ABTB3: variants seen among roughly 807,000 people sequenced by gnomAD.
ABTB3 encodes the protein ankyrin repeat and BTB domain containing 3.
At chr12:107,608,358 C>T in the ABTB3 span, among the ~76,000 whole-genome samples, 2 of 152,204 alleles carry the variant, frequency 1.3e-5, no homozygotes, top group African/African-American at 4.8e-5. Context: ...AACCATATCA[C>T]TCCTCTCACG....
chr12:107,628,143 G>C, the ABTB3 span, among the ~76,000 whole-genome samples: 7 of 151,990 alleles, frequency 4.6e-5, no homozygotes, highest in Non-Finnish European at 1.0e-4. Context: ...GTCTTTTTTT[G>C]GGGGGTGGGG....
At chr12:107,349,943 T>A in the ABTB3 span, among the ~76,000 whole-genome samples, 1 of 152,190 alleles carries the variant, frequency 6.6e-6, no homozygotes, top group Non-Finnish European at 1.5e-5. Context: ...TCCAGACCCA[T>A]GCTTGCTGAT....
At chr12:107,331,529 C>T in the ABTB3 span, among the ~76,000 whole-genome samples, 122 of 152,266 alleles carry the variant, frequency 8.0e-4, no homozygotes, top group Middle Eastern at 6.8e-3. Context: ...ACCGGGGACA[C>T]CAGGCATTCA....
the ABTB3 span, among the ~76,000 whole-genome samples, chr12:107,395,018 G>A: frequency 6.6e-6 from 1 of 152,184 alleles, no homozygotes; most frequent in Non-Finnish European, 1.5e-5. Context: ...TGGCCCACCT[G>A]CATACCTGGC....
the ABTB3 span, chr12:107,642,182 G>C: frequency 1.2e-6 from 2 of 1,612,704 alleles, no homozygotes; most frequent in African/African-American, 1.3e-5. Context: ...GTGAGCCCCT[G>C]GTGTGGCCTG....
the ABTB3 span, chr12:107,520,453 T>C: frequency 6.2e-7 from 1 of 1,603,384 alleles, no homozygotes; most frequent in South Asian, 1.1e-5. Context: ...ACAATCTGTT[T>C]TCCTTTCATT....
chr12:107,467,615 C>T, the ABTB3 span, among the ~76,000 whole-genome samples: 3 of 152,082 alleles, frequency 2.0e-5, no homozygotes, highest in East Asian at 1.9e-4. Flanking sequence ...TGCACTCATA[C>T]ACACACACAC....
At chr12:107,334,207 C>A in the ABTB3 span, among the ~76,000 whole-genome samples, 1 of 152,110 alleles carries the variant, frequency 6.6e-6, no homozygotes, top group Non-Finnish European at 1.5e-5. Flanking sequence ...ATTGGCAGGT[C>A]TGGTTGAAGA....
chr12:107,605,105 A>G, the ABTB3 span, among the ~76,000 whole-genome samples: 2 of 152,234 alleles, frequency 1.3e-5, no homozygotes, highest in Admixed American at 1.3e-4. Flanking sequence ...TAGCCATACC[A>G]CAGTGTATTC....
chr12:107,427,954 C>A, the ABTB3 span, among the ~76,000 whole-genome samples: 2 of 152,174 alleles, frequency 1.3e-5, no homozygotes, highest in Non-Finnish European at 2.9e-5. Context: ...ATGTTAGCAC[C>A]TTTGCACACA....
chr12:107,640,315 T>G, the ABTB3 span: 1 of 1,554,030 alleles, frequency 6.4e-7, no homozygotes. Context: ...TTCCAGATCC[T>G]CATTTTCTTA....
chr12:107,466,022 G>A, the ABTB3 span, among the ~76,000 whole-genome samples: 5,793 of 152,232 alleles, frequency 0.038, 324 homozygotes, highest in African/African-American at 0.13. Flanking sequence ...GACAAACAGC[G>A]CGAGCAAGAT....
At chr12:107,576,856 C>T in the ABTB3 span, among the ~76,000 whole-genome samples, 3 of 152,170 alleles carry the variant, frequency 2.0e-5, no homozygotes, top group African/African-American at 2.4e-5. Flanking sequence ...AGCATCCAAC[C>T]ATGACCTCTT....
At chr12:107,547,922 T>G in the ABTB3 span, among the ~76,000 whole-genome samples, 1 of 152,222 alleles carries the variant, frequency 6.6e-6, no homozygotes, top group African/African-American at 2.4e-5. Context: ...TTATACTTTT[T>G]GGGCTCTAAA....
At chr12:107,319,038 A>G in the ABTB3 span, 9 of 1,613,612 alleles carry the variant, frequency 5.6e-6, no homozygotes, top group African/African-American at 1.1e-4. Context: ...CGCTCCTCCA[A>G]CTTGTCTTTG....
At chr12:107,470,623 A>G in the ABTB3 span, among the ~76,000 whole-genome samples, 9 of 152,220 alleles carry the variant, frequency 5.9e-5, no homozygotes, top group African/African-American at 2.2e-4. Flanking sequence ...CTCGGAGCAG[A>G]GCACACTGCC....
chr12:107,428,314 T>C, the ABTB3 span, among the ~76,000 whole-genome samples: 4 of 152,156 alleles, frequency 2.6e-5, no homozygotes, highest in Admixed American at 6.5e-5. Context: ...CCATAACATA[T>C]GCTGCCAGTT....
the ABTB3 span, among the ~76,000 whole-genome samples, chr12:107,481,540 A>G: frequency 5.9e-5 from 9 of 152,024 alleles, no homozygotes; most frequent in Non-Finnish European, 1.0e-4. Flanking sequence ...CTCCCTACCT[A>G]TAGCTCACCC....
At chr12:107,567,890 G>A in the ABTB3 span, among the ~76,000 whole-genome samples, 2 of 152,126 alleles carry the variant, frequency 1.3e-5, no homozygotes, top group African/African-American at 4.8e-5. Context: ...ACCAGTCCCT[G>A]GTGCCAAAAA....
Sources: gnomAD v4.1 joint callset for allele counts (sites outside exome capture counted in the v4.1 genomes callset) on GRCh38, gnomAD v4.1.1 for gene constraint, MANE v1.5 for transcripts, NCBI Gene and HGNC (gene_info 2026-07-23, HGNC 2026-07-21) for gene names.